Variants in RBP7 observed in about 807,000 individuals in gnomAD.
RBP7 encodes the protein retinoid-binding protein 7.
A neutral mutation model predicts 16.7 loss-of-function variants in RBP7; 13 were observed. The observed-to-expected ratio is 0.78, with a 90% CI of 0.51 to 1.24. RBP7 has a LOEUF of 1.24. RBP7 is among the 50% of genes most tolerant of loss of function. The pLI is 0.00. For synonymous variants in RBP7, 54 were observed against 56.2 expected (o/e 0.96, Z 0.17); for missense variants, 145 against 159.5 (o/e 0.91, Z 0.49).
intron 1 of RBP7, among the ~76,000 whole-genome samples, chr1:10,005,201 ATTTG>A (rs1320551054): frequency 1.3e-5 from 2 of 151,712 alleles, no homozygotes; most frequent in Admixed American, 6.6e-5. Context: ...TTTTTGAGAT[ATTTG>A]TTTGTTTGTT....
At chr1:10,006,517 GA>G (rs1003247275) in intron 1 of RBP7, among the ~76,000 whole-genome samples, 1 of 151,336 alleles carries the variant, frequency 6.6e-6, no homozygotes, top group Admixed American at 6.6e-5. Flanking sequence ...CTCAAAAAAA[GA>G]AAAAAATTAT....
At chr1:10,013,595 C>A (rs892255013) in intron 3 of RBP7, among the ~76,000 whole-genome samples, 1 of 151,824 alleles carries the variant, frequency 6.6e-6, no homozygotes, top group Non-Finnish European at 1.5e-5. Context: ...GATCATCTGA[C>A]GTTAGGAGTT....
rs1050616219 is a variant in RBP7 at position 9,997,659 on chromosome 1, G to C, written c.73+328G>C. ...AGTGCCCGCGTCCAGCCCCACGTCC[G>C]TCTCTACCCGCACGCGGCACACCTG... On this transcript the variant is annotated intron_variant, in intron 1 of 3. Coordinates refer to ENST00000294435, the MANE Select transcript of RBP7 (RefSeq NM_052960.3). The surrounding 1 kb of genome is among the most constrained non-coding windows in gnomAD (Gnocchi z 5.9). 8.6e-5 allele frequency among the ~76,000 whole-genome samples: 13 copies of C among 150,736 alleles called. No individual in the cohort carries two copies. The highest frequency in any genetic ancestry group is 1.8e-4 in the Non-Finnish European group (12 of 67,716).
intron 1 of RBP7, among the ~76,000 whole-genome samples, chr1:10,004,561 G>C (rs1306950222): frequency 6.6e-6 from 1 of 151,884 alleles, no homozygotes; most frequent in Non-Finnish European, 1.5e-5. Context: ...TTTTAGTAGA[G>C]ACGGGGTTTC....
intron 3 of RBP7, among the ~76,000 whole-genome samples, chr1:10,013,074 A>T (rs1642671894): frequency 7.3e-6 from 1 of 137,598 alleles, no homozygotes; most frequent in African/African-American, 2.7e-5. Context: ...ACTTACCATG[A>T]TTTTTTTTTT....
In RBP7 at chr1:10,008,202, C is replaced by T. The variant is rs764081802; in HGVS notation, c.282C>T (p.Leu94=). Residue 94 remains leucine (L), a synonymous_variant, in exon 3 of 4, where the codon CTC becomes CTT. Coordinates refer to ENST00000294435, the MANE Select transcript of RBP7 (RefSeq NM_052960.3). ...TGGTTATCTGGGACAATGACAGGCT[C>T]ACCTGTATCCAGAAGGGAGAAAAGA... ...KSLVIWDNDR[L]TCIQKGEKKN... 6 of 1,612,102 alleles carry T rather than the reference C, an allele frequency of 3.7e-6. No homozygotes were observed. In the Admixed American group the frequency reaches 1.0e-4, roughly 27 times the overall value.
chr1:10,001,570 G>A (rs1642279204), intron 1 of RBP7, among the ~76,000 whole-genome samples: 1 of 151,958 alleles, frequency 6.6e-6, no homozygotes, highest in Admixed American at 6.6e-5. Context: ...GCCTTGCTTG[G>A]GTTTTAATAT....
intron 3 of RBP7, among the ~76,000 whole-genome samples, chr1:10,008,782 C>T (rs1321761050): frequency 6.6e-6 from 1 of 151,984 alleles, no homozygotes; most frequent in African/African-American, 2.4e-5. Flanking sequence ...GGCATAGTGG[C>T]GCATGCCTAT....
intron 1 of RBP7, 128 bp from the exon 2 acceptor site, chr1:10,007,442 A>C: frequency 1.4e-6 from 1 of 731,392 alleles, no homozygotes; most frequent in Non-Finnish European, 2.2e-6. Context: ...TGATTTTGGC[A>C]GCAAACAACA....
chr1:10,002,965 G>C (rs1037142153), intron 1 of RBP7, among the ~76,000 whole-genome samples: 14 of 152,106 alleles, frequency 9.2e-5, no homozygotes, highest in African/African-American at 3.1e-4. Context: ...CCAAACTGAG[G>C]ACTAACTAAA....
Position 10,015,812 on chromosome 1 carries a change from C to T in RBP7, c.385C>T (p.Gln129Ter). ...EMFCEGQVCK[Q>*]TFQRA ...GTTCTGTGAAGGTCAAGTGTGCAAA[C>T]AGACATTCCAGAGAGCCTGATCCAC... The change falls in exon 4 of 4, where the codon CAG becomes TAG. Residue 129 changes from glutamine (Q) to a stop codon, truncating the protein, a stop_gained. Transcript: ENST00000294435. LOFTEE classifies it high-confidence loss of function. 6.2e-7 allele frequency: 1 copy of T among 1,614,108 alleles called. No individual in the cohort carries two copies. The highest frequency in any genetic ancestry group is 2.2e-5 in the East Asian group (1 of 44,888).
At chr1:10,015,700 C>G in intron 3 of RBP7, 82 bp from the exon 4 acceptor site, 1 of 1,222,940 alleles carries the variant, frequency 8.2e-7, no homozygotes, top group South Asian at 1.2e-5. Context: ...AGGGTTAAAA[C>G]ACAATAAAAA....
At chr1:10,000,491 G>C (rs557984346) in intron 1 of RBP7, among the ~76,000 whole-genome samples, 1 of 151,528 alleles carries the variant, frequency 6.6e-6, no homozygotes, top group Non-Finnish European at 1.5e-5. Context: ...CCCAGATCAC[G>C]ACACTGCACT....
chr1:10,000,228 GA>G (rs1557483456), intron 1 of RBP7, among the ~76,000 whole-genome samples: 1 of 149,972 alleles, frequency 6.7e-6, no homozygotes, highest in East Asian at 2.0e-4. Context: ...ACTCCATCTT[GA>G]AAAAAAATAA....
intron 1 of RBP7, among the ~76,000 whole-genome samples, chr1:9,998,926 A>G (rs1478513023): frequency 6.6e-6 from 1 of 152,056 alleles, no homozygotes; most frequent in Non-Finnish European, 1.5e-5. Flanking sequence ...CCTTCCTGCT[A>G]CTGTTATTTC....
Position 9,997,356 on chromosome 1 carries a change from G to T in RBP7, c.73+25G>T. 1 of 1,605,760 alleles carries T rather than the reference G, an allele frequency of 6.2e-7. No homozygotes were observed. Among genetic ancestry groups the T allele is most frequent in the Non-Finnish European group, 8.5e-7 (1 of 1,176,008 alleles). ...GGTAAGGCGGAGGGGAGGCGGCGGC[G>T]GCGCGAGGCTCGCCGTGGGTCTCGG... is the stretch of plus-strand genomic sequence containing the variant. On this transcript the variant is annotated intron_variant, in intron 1 of 3. Coordinates refer to ENST00000294435, the MANE Select transcript of RBP7 (RefSeq NM_052960.3). The surrounding 1 kb of genome is among the most constrained non-coding windows in gnomAD (Gnocchi z 5.9).
intron 1 of RBP7, 89 bp from the exon 2 acceptor site, chr1:10,007,481 T>A: frequency 2.1e-6 from 2 of 930,878 alleles, no homozygotes; most frequent in Non-Finnish European, 3.2e-6. Context: ...TGCTAACAAT[T>A]ACATGTGGTG....
chr1:10,009,385 G>C (rs1338965247), intron 3 of RBP7, among the ~76,000 whole-genome samples: 1 of 152,026 alleles, frequency 6.6e-6, no homozygotes, highest in Admixed American at 6.6e-5. Flanking sequence ...CCTACGGCCT[G>C]GTGACAGAGG....
rs568761194 is a variant in RBP7, at chr1:10,006,245, G to A, written c.74-1325G>A. Among the ~76,000 whole-genome samples the A allele has an allele frequency of 2.0e-4, 30 of 152,194 alleles. 1 individual carries two copies. Among genetic ancestry groups the A allele is most frequent in the Middle Eastern group, 3.4e-3 (1 of 294 alleles). On this transcript the variant is annotated intron_variant, in intron 1 of 3. Coordinates refer to ENST00000294435, the MANE Select transcript of RBP7 (RefSeq NM_052960.3). ...ATTCTAGCCGAGCAGGGTGGCTCAT[G>A]TCTGTAATCCCAGCACTTTGGGAGG...
Sources: gnomAD v4.1 joint callset for allele counts (sites outside exome capture counted in the v4.1 genomes callset) on GRCh38, gnomAD v4.1.1 for gene constraint, Gnocchi (gnomAD v3.1) non-coding constraint, MANE v1.5 for transcripts, NCBI Gene and HGNC (gene_info 2026-07-23, HGNC 2026-07-21) for gene names.